The following LOC647264 variants were observed in gnomAD, a reference collection of about 807,000 sequenced individuals.
chr13:63,832,903 T>C, the LOC647264 span, among the ~76,000 whole-genome samples: 56 of 129,522 alleles, frequency 4.3e-4, no homozygotes, highest in African/African-American at 1.8e-3. Context: ...CAGCCATAGC[T>C]GGAGCCATAG....
the LOC647264 span, among the ~76,000 whole-genome samples, chr13:63,832,924 A>AGCTGG: frequency 8.5e-5 from 3 of 35,464 alleles, no homozygotes; most frequent in East Asian, 2.7e-3. Flanking sequence ...CCACAGCCAT[A>AGCTGG]ACCAGAGCCA....
At chr13:63,832,575 A>G in the LOC647264 span, among the ~76,000 whole-genome samples, 1 of 123,192 alleles carries the variant, frequency 8.1e-6, no homozygotes, top group East Asian at 2.3e-4. Context: ...TAATTCTTGG[A>G]TATAGAAATC....
chr13:63,832,766 A>G, the LOC647264 span, among the ~76,000 whole-genome samples: 3 of 152,086 alleles, frequency 2.0e-5, no homozygotes, highest in Non-Finnish European at 4.4e-5. Context: ...AACCACAGCC[A>G]TACCCACAGC....
chr13:63,832,985 G>T, the LOC647264 span, among the ~76,000 whole-genome samples: 1 of 152,242 alleles, frequency 6.6e-6, no homozygotes, highest in Non-Finnish European at 1.5e-5. Flanking sequence ...CGTAGTAGTT[G>T]CAACACATGT....
chr13:63,832,902 C>T, the LOC647264 span, among the ~76,000 whole-genome samples: 122 of 138,060 alleles, frequency 8.8e-4, 1 homozygote, highest in African/African-American at 4.0e-3. Flanking sequence ...ACAGCCATAG[C>T]TGGAGCCATA....
chr13:63,832,817 G>A, the LOC647264 span, among the ~76,000 whole-genome samples: 12 of 151,698 alleles, frequency 7.9e-5, no homozygotes, highest in African/African-American at 2.9e-4. Flanking sequence ...CAGAGCCATA[G>A]CCACAGCTGT....
the LOC647264 span, among the ~76,000 whole-genome samples, chr13:63,832,925 A>G: frequency 1.3e-3 from 23 of 18,278 alleles, no homozygotes; most frequent in East Asian, 3.2e-3. Flanking sequence ...CACAGCCATA[A>G]CCAGAGCCAT....
chr13:63,832,514 A>G, the LOC647264 span, among the ~76,000 whole-genome samples: 3 of 83,642 alleles, frequency 3.6e-5, no homozygotes, highest in African/African-American at 1.5e-4. Context: ...TATGGCCATG[A>G]TTTCATTCAA....
At chr13:63,832,852 A>G in the LOC647264 span, among the ~76,000 whole-genome samples, 4 of 145,818 alleles carry the variant, frequency 2.7e-5, no homozygotes, top group Non-Finnish European at 4.4e-5. Context: ...CCACAGCCAT[A>G]GCTGGAGCCA....
chr13:63,832,742 A>G, the LOC647264 span, among the ~76,000 whole-genome samples: 6 of 152,050 alleles, frequency 3.9e-5, no homozygotes, highest in East Asian at 7.7e-4. Context: ...ATCCACAGCC[A>G]TAGCCAGTTC....
chr13:63,833,020 G>A, the LOC647264 span, among the ~76,000 whole-genome samples: 4 of 152,138 alleles, frequency 2.6e-5, no homozygotes, highest in African/African-American at 4.8e-5. Flanking sequence ...AATTGAGATG[G>A]GTTTCAAGAA....
the LOC647264 span, among the ~76,000 whole-genome samples, chr13:63,833,001 A>T: frequency 6.6e-6 from 1 of 152,218 alleles, no homozygotes; most frequent in Non-Finnish European, 1.5e-5. Context: ...CATGTTGTCA[A>T]GAGGAGAGAA....
the LOC647264 span, among the ~76,000 whole-genome samples, chr13:63,832,927 C>T: frequency 9.1e-4 from 20 of 22,094 alleles, no homozygotes; most frequent in African/African-American, 1.7e-3. Flanking sequence ...CAGCCATAAC[C>T]AGAGCCATAG....
the LOC647264 span, among the ~76,000 whole-genome samples, chr13:63,832,880 AGAGCCATAGCCACAGCCATAGCTG>A: frequency 0.042 from 6,268 of 150,004 alleles, 496 homozygotes; most frequent in African/African-American, 0.15. Context: ...AGCCATAACC[AGAGCCATAGCCACAGCCATAGCTG>A]GAGCCATAGC....
chr13:63,832,879 CAGAGCCATAGCCACAGCCATAGCT>C, the LOC647264 span, among the ~76,000 whole-genome samples: 312 of 149,200 alleles, frequency 2.1e-3, 3 homozygotes, highest in African/African-American at 7.7e-3. Context: ...CAGCCATAAC[CAGAGCCATAGCCACAGCCATAGCT>C]GGAGCCATAG....
At chr13:63,832,935 T>C in the LOC647264 span, among the ~76,000 whole-genome samples, 6,797 of 151,658 alleles carry the variant, frequency 0.045, 549 homozygotes, top group African/African-American at 0.15. Context: ...ACCAGAGCCA[T>C]AGCCACAGCC....
chr13:63,832,891 CACA>C, the LOC647264 span, among the ~76,000 whole-genome samples: 6 of 139,180 alleles, frequency 4.3e-5, no homozygotes, highest in African/African-American at 2.0e-4. Context: ...GAGCCATAGC[CACA>C]GCCATAGCTG....
At chr13:63,832,624 G>A in the LOC647264 span, among the ~76,000 whole-genome samples, 1 of 140,542 alleles carries the variant, frequency 7.1e-6, no homozygotes, top group Admixed American at 7.5e-5. Flanking sequence ...ATCTTTAGCC[G>A]TGTCATTTTA....
chr13:63,832,801 C>A, the LOC647264 span, among the ~76,000 whole-genome samples: 1 of 152,018 alleles, frequency 6.6e-6, no homozygotes, highest in African/African-American at 2.4e-5. Flanking sequence ...TAGCCACAGC[C>A]AGAGCCAGAG....
Sources: gnomAD v4.1 joint callset for allele counts (sites outside exome capture counted in the v4.1 genomes callset) on GRCh38, gnomAD v4.1.1 for gene constraint, MANE v1.5 for transcripts.